Variants in SLC25A21 observed in about 807,000 individuals in gnomAD.
SLC25A21 encodes mitochondrial 2-oxodicarboxylate carrier.
In SLC25A21, 47 loss-of-function variants were observed where a neutral mutation model predicts 43.8. That is an observed-to-expected ratio of 1.07 (90% confidence interval 0.85 to 1.37). The LOEUF (loss-of-function observed/expected upper bound fraction) is 1.37, where lower values mean the gene tolerates loss of function less well. SLC25A21 is among the 40% of genes most tolerant of loss of function. The pLI, the probability that SLC25A21 is intolerant of heterozygous loss-of-function variation, is 0.00. For missense variants in SLC25A21, 352 were observed against 350.2 expected (o/e 1.00, Z -0.04); for synonymous variants, 131 against 121.3 (o/e 1.08, Z -0.52).
chr14:36,796,102 A>G (rs1887659741), intron 3 of SLC25A21, among the ~76,000 whole-genome samples: 1 of 152,178 alleles, frequency 6.6e-6, no homozygotes, highest in African/African-American at 2.4e-5. Context: ...TGGAAATCAG[A>G]AAAAGGGCCC....
chr14:36,697,254 A>T (rs1333871768), intron 7 of SLC25A21, among the ~76,000 whole-genome samples: 1 of 152,108 alleles, frequency 6.6e-6, no homozygotes, highest in African/African-American at 2.4e-5. Flanking sequence ...TTCTAATTTG[A>T]TTGCACTGTG....
At chr14:37,011,274 G>C (rs1441496921) in intron 1 of SLC25A21, among the ~76,000 whole-genome samples, 7 of 151,944 alleles carry the variant, frequency 4.6e-5, no homozygotes, top group Non-Finnish European at 8.8e-5. Context: ...CCTCCCAAAG[G>C]GCTGTGATTA....
chr14:36,753,737 T>C (rs977823566), intron 3 of SLC25A21, among the ~76,000 whole-genome samples: 7 of 152,142 alleles, frequency 4.6e-5, no homozygotes, highest in African/African-American at 1.7e-4. Flanking sequence ...TTCAGAACCA[T>C]AGCACTTCTG....
intron 3 of SLC25A21, among the ~76,000 whole-genome samples, chr14:36,746,879 C>T (rs1340085265): frequency 6.6e-6 from 1 of 152,148 alleles, no homozygotes; most frequent in Non-Finnish European, 1.5e-5. Flanking sequence ...CTTTCTCTGA[C>T]ATGGTAGACA....
At chr14:36,835,574 G>A (rs1251578505) in intron 2 of SLC25A21, among the ~76,000 whole-genome samples, 2 of 152,092 alleles carry the variant, frequency 1.3e-5, no homozygotes, top group South Asian at 4.1e-4. Flanking sequence ...TAACACAAAC[G>A]TTTAGCCCAC....
chr14:36,990,646 G>T (rs1960242847), intron 1 of SLC25A21, among the ~76,000 whole-genome samples: 2 of 152,144 alleles, frequency 1.3e-5, no homozygotes, highest in South Asian at 2.1e-4. Context: ...GGGGGTCAAG[G>T]TGGGAGAATA....
intron 1 of SLC25A21, among the ~76,000 whole-genome samples, chr14:37,051,672 C>A (rs1961709308): frequency 2.0e-5 from 3 of 152,110 alleles, no homozygotes; most frequent in Admixed American, 2.0e-4. Context: ...CATTTCCCAC[C>A]CCTGAATCTA....
intron 3 of SLC25A21, among the ~76,000 whole-genome samples, chr14:36,758,048 A>G (rs531463758): frequency 1.2e-4 from 18 of 152,370 alleles, no homozygotes; most frequent in African/African-American, 4.3e-4. Flanking sequence ...AAAAGTGAAT[A>G]TGCAGCAATG....
At chr14:37,125,459 A>ATCCT (rs1963281552) in intron 1 of SLC25A21, among the ~76,000 whole-genome samples, 1 of 152,182 alleles carries the variant, frequency 6.6e-6, no homozygotes, top group Non-Finnish European at 1.5e-5. Flanking sequence ...GGAATAGATG[A>ATCCT]TCTCCAAGTC....
chr14:36,825,561 C>A (rs943693294), intron 2 of SLC25A21, among the ~76,000 whole-genome samples: 1 of 152,174 alleles, frequency 6.6e-6, no homozygotes, highest in Non-Finnish European at 1.5e-5. Flanking sequence ...TAGGCAGGTG[C>A]TTTGCTGGGT....
At chr14:37,070,261 G>A (rs1343088132) in intron 1 of SLC25A21, among the ~76,000 whole-genome samples, 3 of 152,110 alleles carry the variant, frequency 2.0e-5, no homozygotes, top group Non-Finnish European at 4.4e-5. Context: ...TTCAAGTGCT[G>A]TGGACATACT....
chr14:36,749,894 T>C (rs1290060285), intron 3 of SLC25A21, among the ~76,000 whole-genome samples: 2 of 152,224 alleles, frequency 1.3e-5, no homozygotes, highest in East Asian at 1.9e-4. Context: ...TTTTTCTTCA[T>C]AGAATGGATC....
chr14:36,961,254 C>A (rs889148264), intron 1 of SLC25A21, among the ~76,000 whole-genome samples: 2 of 150,042 alleles, frequency 1.3e-5, no homozygotes, highest in South Asian at 2.1e-4. Flanking sequence ...CTCTGTCGCC[C>A]AGGCTGGAGT....
intron 2 of SLC25A21, among the ~76,000 whole-genome samples, chr14:36,849,296 G>A (rs1474347050): frequency 6.6e-6 from 1 of 152,082 alleles, no homozygotes; most frequent in African/African-American, 2.4e-5. Flanking sequence ...GAGGACTTTG[G>A]GGGATGATTT....
intron 8 of SLC25A21, 104 bp from the exon 9 acceptor site, chr14:36,683,984 T>C: frequency 1.3e-6 from 1 of 750,208 alleles, no homozygotes; most frequent in Non-Finnish European, 2.2e-6. Context: ...AATAAATTAT[T>C]TGGAATTACA....
At chr14:36,932,505 A>G (rs1892320404) in intron 1 of SLC25A21, among the ~76,000 whole-genome samples, 2 of 152,092 alleles carry the variant, frequency 1.3e-5, no homozygotes, top group South Asian at 4.1e-4. Context: ...TTTAACAAAT[A>G]TTTATTGAGT....
chr14:37,166,844 A>T (rs994085806), intron 1 of SLC25A21, among the ~76,000 whole-genome samples: 2 of 152,222 alleles, frequency 1.3e-5, no homozygotes, highest in African/African-American at 4.8e-5. Context: ...AATTAGTGAG[A>T]GGAAATATTT....
chr14:36,864,972 CTCACCTTTTCCT>C (rs1890172450), intron 2 of SLC25A21, among the ~76,000 whole-genome samples: 1 of 151,874 alleles, frequency 6.6e-6, no homozygotes, highest in Non-Finnish European at 1.5e-5. Flanking sequence ...ATACCCCATC[CTCACCTTTTCCT>C]TGTATTCTCT....
At chr14:36,702,674 A>G (rs1883331756) in intron 7 of SLC25A21, among the ~76,000 whole-genome samples, 1 of 152,078 alleles carries the variant, frequency 6.6e-6, no homozygotes, top group South Asian at 2.1e-4. Flanking sequence ...TTTATTGTCT[A>G]TTTCCTCTAT....
Sources: allele counts gnomAD v4.1 joint callset (sites outside exome capture counted in the v4.1 genomes callset), GRCh38; gene constraint gnomAD v4.1.1; transcripts MANE v1.5; gene names NCBI Gene and HGNC (gene_info 2026-07-23, HGNC 2026-07-21).